MAGI2: variants seen among roughly 807,000 people sequenced by gnomAD.
The protein encoded by MAGI2 is membrane associated guanylate kinase, WW and PDZ domain containing 2.
MAGI2 carries 35 observed loss-of-function variants against 133.3 expected under a neutral mutation model. The ratio of observed to expected loss-of-function variants is 0.26; its 90% CI spans 0.20 to 0.35. The LOEUF is 0.35. Ranked by LOEUF, MAGI2 falls within the 10% of genes least tolerant of loss-of-function variation. MAGI2 has a pLI of 1.00. For synonymous variants in MAGI2, 729 were observed against 710.6 expected, an observed-to-expected ratio of 1.03 and a Z score of -0.41; for missense variants, 1,636 against 1,863.4, an observed-to-expected ratio of 0.88 and a Z score of 2.25.
At chr7:78,568,690 C>A (rs1299700786) in intron 3 of MAGI2, among the ~76,000 whole-genome samples, 3 of 152,182 alleles carry the variant, frequency 2.0e-5, no homozygotes, top group East Asian at 3.9e-4. Context: ...ATCGTCCCCA[C>A]TCCCTAGTCC....
At chr7:78,081,693 GTTTTA>G (rs1366852939) in intron 20 of MAGI2, among the ~76,000 whole-genome samples, 1 of 152,150 alleles carries the variant, frequency 6.6e-6, no homozygotes, top group Non-Finnish European at 1.5e-5. Flanking sequence ...AGGAGTTTAG[GTTTTA>G]TTTTAAAGGC....
intron 2 of MAGI2, among the ~76,000 whole-genome samples, chr7:78,987,963 G>A (rs1369665350): frequency 1.3e-5 from 2 of 151,880 alleles, no homozygotes; most frequent in African/African-American, 4.8e-5. Context: ...TATGAAGGAC[G>A]CTTTGGTTCG....
chr7:78,919,488 G>A (rs938229779), intron 2 of MAGI2, among the ~76,000 whole-genome samples: 7 of 151,988 alleles, frequency 4.6e-5, no homozygotes, highest in African/African-American at 1.7e-4. Flanking sequence ...GGAGAAAAAA[G>A]CATCAAATAA....
At chr7:78,573,257 A>AATATATATTT (rs1554481533) in intron 3 of MAGI2, among the ~76,000 whole-genome samples, 2 of 21,968 alleles carry the variant, frequency 9.1e-5, no homozygotes, top group African/African-American at 3.5e-4. Flanking sequence ...AATATATATA[A>AATATATATTT]ATATAAATAT....
At chr7:78,414,098 G>A (rs566579891) in intron 6 of MAGI2, among the ~76,000 whole-genome samples, 1 of 152,030 alleles carries the variant, frequency 6.6e-6, no homozygotes, top group East Asian at 1.9e-4. Flanking sequence ...TTCCCTCAGT[G>A]TTTTACTTCT....
chr7:78,831,051 A>G (rs1252017356), intron 2 of MAGI2, among the ~76,000 whole-genome samples: 5 of 145,778 alleles, frequency 3.4e-5, no homozygotes, highest in Non-Finnish European at 7.6e-5. Flanking sequence ...GGTTGGAAGT[A>G]GAAACTTGCA....
chr7:78,557,452 A>AT (rs1356599556), intron 3 of MAGI2, among the ~76,000 whole-genome samples: 1 of 152,060 alleles, frequency 6.6e-6, no homozygotes, highest in Non-Finnish European at 1.5e-5. Flanking sequence ...GAGAGAAGGA[A>AT]TTTTTTGGCT....
intron 6 of MAGI2, among the ~76,000 whole-genome samples, chr7:78,394,709 A>T (rs1366960260): frequency 6.6e-6 from 1 of 151,798 alleles, no homozygotes; most frequent in African/African-American, 2.4e-5. Flanking sequence ...TAATTTTCTC[A>T]TTTTTTTTCA....
At chr7:78,791,117 T>C (rs868352528) in intron 2 of MAGI2, among the ~76,000 whole-genome samples, 3 of 152,140 alleles carry the variant, frequency 2.0e-5, no homozygotes, top group Non-Finnish European at 4.4e-5. Context: ...TTGAGTAGAA[T>C]GCTATAGTAA....
chr7:78,041,932 A>AC (rs934568605), intron 21 of MAGI2, among the ~76,000 whole-genome samples: 13 of 151,740 alleles, frequency 8.6e-5, no homozygotes, highest in African/African-American at 2.7e-4. Flanking sequence ...AGCAGCTGGG[A>AC]CCCCCCACAA....
At chr7:78,934,150 A>G (rs115152368) in intron 2 of MAGI2, among the ~76,000 whole-genome samples, 9,503 of 152,094 alleles carry the variant, frequency 0.062, 646 homozygotes, top group East Asian at 0.17. Flanking sequence ...CACCCAGGCT[A>G]AAGTGCAATG....
intron 9 of MAGI2, among the ~76,000 whole-genome samples, chr7:78,315,333 T>C (rs894194249): frequency 6.6e-6 from 1 of 152,204 alleles, no homozygotes; most frequent in Non-Finnish European, 1.5e-5. Flanking sequence ...AACTGGCATA[T>C]ACTTGGCAGG....
At chr7:79,153,798 C>T (rs1001548493) in intron 1 of MAGI2, among the ~76,000 whole-genome samples, 22 of 152,000 alleles carry the variant, frequency 1.4e-4, no homozygotes, top group East Asian at 3.9e-4. Context: ...TGGGTTTATG[C>T]AAAGCATCAC....
At chr7:78,938,138 A>T (rs1358394004) in intron 2 of MAGI2, among the ~76,000 whole-genome samples, 1 of 152,134 alleles carries the variant, frequency 6.6e-6, no homozygotes, top group Admixed American at 6.6e-5. Context: ...TTACCATTTA[A>T]TCAGAGAAAA....
At chr7:79,143,479 G>C in intron 1 of MAGI2, among the ~76,000 whole-genome samples, 1 of 152,154 alleles carries the variant, frequency 6.6e-6, no homozygotes, top group East Asian at 1.9e-4. Context: ...ATGAGCACCT[G>C]TTCTGTCCAA....
chr7:78,829,164 A>G (rs574490552), intron 2 of MAGI2, among the ~76,000 whole-genome samples: 2 of 152,260 alleles, frequency 1.3e-5, no homozygotes, highest in African/African-American at 4.8e-5. Context: ...CATTATTTGT[A>G]TACATTCATA....
chr7:78,834,977 G>A (rs1020481570), intron 2 of MAGI2, among the ~76,000 whole-genome samples: 8 of 152,152 alleles, frequency 5.3e-5, no homozygotes, highest in Non-Finnish European at 1.0e-4. Context: ...GCAGATGCCA[G>A]CACCATGCTT....
At chr7:78,653,135 A>G (rs1394263098) in intron 2 of MAGI2, among the ~76,000 whole-genome samples, 1 of 152,174 alleles carries the variant, frequency 6.6e-6, no homozygotes, top group East Asian at 1.9e-4. Flanking sequence ...TCAAGAAACA[A>G]CAGATGCTGG....
intron 1 of MAGI2, among the ~76,000 whole-genome samples, chr7:79,368,692 CA>C (rs1842875964): frequency 6.6e-6 from 1 of 150,852 alleles, no homozygotes; most frequent in Non-Finnish European, 1.5e-5. Flanking sequence ...ACTAAAAATA[CA>C]AAAAATTAGC....
Sources: gnomAD v4.1 joint callset for allele counts (sites outside exome capture counted in the v4.1 genomes callset) on GRCh38, gnomAD v4.1.1 for gene constraint, MANE v1.5 for transcripts, NCBI Gene and HGNC (gene_info 2026-07-23, HGNC 2026-07-21) for gene names.